SPOCK3: variants seen among roughly 807,000 people sequenced by gnomAD.
SPOCK3 encodes the protein testican-3.
In SPOCK3, 30 loss-of-function variants were observed where a neutral mutation model predicts 56.6. That is an observed-to-expected ratio of 0.53 (90% CI 0.40 to 0.72). The LOEUF (loss-of-function observed/expected upper bound fraction) is 0.72, where lower values mean the gene tolerates loss of function less well. Ranked by LOEUF, SPOCK3 falls within the 30% of genes least tolerant of loss-of-function variation. SPOCK3 has a pLI of 0.00. For synonymous variants in SPOCK3, 196 were observed against 183.3 expected, an observed-to-expected ratio of 1.07 and a Z score of -0.56; for missense variants, 527 against 530.0, an observed-to-expected ratio of 0.99 and a Z score of 0.06.
chr4:166,875,533 TAAAG>T (rs1230533607), intron 6 of SPOCK3, among the ~76,000 whole-genome samples: 2 of 152,182 alleles, frequency 1.3e-5, no homozygotes, highest in African/African-American at 4.8e-5. Context: ...ATGTTCAAAA[TAAAG>T]AGTTGTCTGA....
In SPOCK3 at chr4:166,847,660, T is replaced by TAG. The variant is rs1376904827; in HGVS notation, c.589+41469_589+41470insCT. 1.2e-4 allele frequency among the ~76,000 whole-genome samples: 12 copies of TAG among 96,160 alleles called. No homozygotes were observed. The East Asian group carries it at 4.8e-3, about 38-fold the overall frequency. 63.1% of individuals were successfully genotyped at this position (96,160 alleles called of 152,430 possible). On this transcript the variant is annotated intron_variant, in intron 6 of 10. Transcript: ENST00000357545. ...GAAAATCCTAGTTTATATATATATA[T>TAG]ATATATATATATATATATATAAGAA... is the stretch of plus-strand genomic sequence containing the variant.
intron 2 of SPOCK3, among the ~76,000 whole-genome samples, chr4:167,207,022 A>T (rs1325882196): frequency 2.0e-5 from 3 of 152,078 alleles, no homozygotes; most frequent in Non-Finnish European, 2.9e-5. Flanking sequence ...TGATCTTATC[A>T]CTATGTATTG....
intron 5 of SPOCK3, among the ~76,000 whole-genome samples, chr4:166,904,570 T>G (rs1736414306): frequency 6.6e-6 from 1 of 152,026 alleles, no homozygotes; most frequent in Non-Finnish European, 1.5e-5. Context: ...TATCTTTACA[T>G]ATGAATAACA....
intron 4 of SPOCK3, among the ~76,000 whole-genome samples, chr4:166,963,578 C>T (rs1441493861): frequency 6.6e-6 from 1 of 151,796 alleles, no homozygotes; most frequent in African/African-American, 2.4e-5. Flanking sequence ...ACTTAAGCAC[C>T]AGGGGATGAT....
chr4:167,058,770 C>A (rs1357475789), intron 3 of SPOCK3, among the ~76,000 whole-genome samples: 1 of 152,108 alleles, frequency 6.6e-6, no homozygotes, highest in Non-Finnish European at 1.5e-5. Flanking sequence ...GCTACAGTAA[C>A]CAAAACAGCA....
intron 2 of SPOCK3, among the ~76,000 whole-genome samples, chr4:167,126,862 ACCCCTCACTTTT>A (rs1370103459): frequency 6.6e-6 from 1 of 151,906 alleles, no homozygotes; most frequent in Non-Finnish European, 1.5e-5. Flanking sequence ...TTCCTCTTCC[ACCCCTCACTTTT>A]CCCTACTCAC....
chr4:167,115,658 G>T (rs1761268272), intron 2 of SPOCK3, among the ~76,000 whole-genome samples: 2 of 152,020 alleles, frequency 1.3e-5, no homozygotes, highest in African/African-American at 4.8e-5. Flanking sequence ...AAGGGAAAAT[G>T]TAAGGTAAAA....
At chr4:167,144,061 C>T (rs999497641) in intron 2 of SPOCK3, among the ~76,000 whole-genome samples, 1 of 152,012 alleles carries the variant, frequency 6.6e-6, no homozygotes, top group African/African-American at 2.4e-5. Flanking sequence ...CAAACGAGTA[C>T]ATGCTCTTCA....
intron 3 of SPOCK3, among the ~76,000 whole-genome samples, chr4:167,001,017 G>C (rs931096617): frequency 4.1e-4 from 63 of 152,142 alleles, no homozygotes; most frequent in Non-Finnish European, 7.4e-5. Context: ...TACATCATTT[G>C]TGCATAATAT....
At chr4:166,828,749 T>C (rs1745729758) in intron 6 of SPOCK3, among the ~76,000 whole-genome samples, 1 of 152,060 alleles carries the variant, frequency 6.6e-6, no homozygotes, top group East Asian at 1.9e-4. Flanking sequence ...GTCTACAGAA[T>C]ATAGGATATC....
At chr4:167,001,642 C>A (rs1352105254) in intron 3 of SPOCK3, among the ~76,000 whole-genome samples, 1 of 151,994 alleles carries the variant, frequency 6.6e-6, no homozygotes, top group Non-Finnish European at 1.5e-5. Context: ...TTGTTGGGGG[C>A]AGACCAGAGG....
At chr4:167,215,642 C>A (rs1580653828) in intron 2 of SPOCK3, among the ~76,000 whole-genome samples, 1 of 152,152 alleles carries the variant, frequency 6.6e-6, no homozygotes, top group Non-Finnish European at 1.5e-5. Context: ...AAACAAGGAT[C>A]CGAAAGCAAA....
At chr4:167,230,265 G>A (rs1404519527) in intron 2 of SPOCK3, among the ~76,000 whole-genome samples, 1 of 151,606 alleles carries the variant, frequency 6.6e-6, no homozygotes, top group Non-Finnish European at 1.5e-5. Flanking sequence ...TAAAGGGTAT[G>A]GTTTAATTAA....
intron 2 of SPOCK3, among the ~76,000 whole-genome samples, chr4:167,153,671 C>T (rs1764589113): frequency 2.0e-5 from 3 of 152,120 alleles, no homozygotes; most frequent in Admixed American, 1.3e-4. Flanking sequence ...GTATATTTCA[C>T]TTTGTGGCTT....
At chr4:167,100,026 G>A (rs998101259) in intron 2 of SPOCK3, among the ~76,000 whole-genome samples, 2 of 152,110 alleles carry the variant, frequency 1.3e-5, no homozygotes, top group African/African-American at 2.4e-5. Flanking sequence ...AATATGTTCA[G>A]AAGTTATTTA....
chr4:167,050,327 C>T (rs997035368), intron 3 of SPOCK3, among the ~76,000 whole-genome samples: 1 of 152,102 alleles, frequency 6.6e-6, no homozygotes, highest in Non-Finnish European at 1.5e-5. Flanking sequence ...ACTATACCTG[C>T]ATAAAATAAC....
intron 8 of SPOCK3, among the ~76,000 whole-genome samples, chr4:166,743,063 C>A (rs62352806): frequency 6.6e-6 from 1 of 151,808 alleles, no homozygotes; most frequent in African/African-American, 2.4e-5. Context: ...GTCCTGAGAT[C>A]GATCCCCCTC....
At chr4:167,004,046 C>T (rs939211792) in intron 3 of SPOCK3, among the ~76,000 whole-genome samples, 1 of 152,186 alleles carries the variant, frequency 6.6e-6, no homozygotes, top group East Asian at 1.9e-4. Flanking sequence ...AGGCCTGATT[C>T]TTCCTAGTTT....
At chr4:167,103,030 G>A (rs115316782) in intron 2 of SPOCK3, among the ~76,000 whole-genome samples, 269 of 150,894 alleles carry the variant, frequency 1.8e-3, no homozygotes, top group Non-Finnish European at 2.8e-3. Context: ...AGCCCACCCC[G>A]TGGTAGGGAC....
Sources: allele counts gnomAD v4.1 joint callset (sites outside exome capture counted in the v4.1 genomes callset), GRCh38; gene constraint gnomAD v4.1.1; transcripts MANE v1.5; gene names NCBI Gene and HGNC (gene_info 2026-07-23, HGNC 2026-07-21).